The following CSMD1 variants were observed in gnomAD, a reference collection of about 807,000 sequenced individuals.
CSMD1 encodes CUB and sushi domain-containing protein 1.
CSMD1 carries 213 observed loss-of-function variants against 417.5 expected under a neutral mutation model. That is an observed-to-expected ratio of 0.51 (90% CI 0.46 to 0.57). The LOEUF (loss-of-function observed/expected upper bound fraction) is 0.57, where lower values mean the gene tolerates loss of function less well. Ranked by LOEUF, CSMD1 falls within the 20% of genes least tolerant of loss-of-function variation. The probability of loss-of-function intolerance (pLI) is 0.00; values close to 1 mark genes in which losing one functional copy is unlikely to be tolerated. For synonymous variants in CSMD1, 2,862 were observed against 1,736.8 expected (o/e 1.65, Z -16.11); for missense variants, 6,923 against 4,529.7 (o/e 1.53, Z -15.17).
At chr8:4,228,578 C>T (rs368249103) in intron 3 of CSMD1, among the ~76,000 whole-genome samples, 1 of 142,912 alleles carries the variant, frequency 7.0e-6, no homozygotes, top group Non-Finnish European at 1.5e-5. Context: ...CAATTCTCTT[C>T]TCTGTCAGAT....
intron 41 of CSMD1, among the ~76,000 whole-genome samples, chr8:3,121,463 G>A (rs943543245): frequency 6.6e-6 from 1 of 152,184 alleles, no homozygotes; most frequent in Non-Finnish European, 1.5e-5. Context: ...CGAGAAGTGG[G>A]AAGAACACTA....
intron 3 of CSMD1, among the ~76,000 whole-genome samples, chr8:4,037,052 G>C (rs903757144): frequency 2.0e-5 from 3 of 151,998 alleles, no homozygotes; most frequent in Admixed American, 6.6e-5. Flanking sequence ...GGCACCCGGA[G>C]CTGCTGAGAC....
chr8:4,834,956 C>CAAAA (rs1194297821), intron 1 of CSMD1, among the ~76,000 whole-genome samples: 133 of 19,540 alleles, frequency 6.8e-3, no homozygotes, highest in Non-Finnish European at 8.4e-3. Context: ...GACTCCATCT[C>CAAAA]AAAAAAAAAA....
intron 6 of CSMD1, among the ~76,000 whole-genome samples, chr8:3,749,908 T>C (rs951025625): frequency 2.0e-5 from 3 of 152,190 alleles, no homozygotes; most frequent in African/African-American, 7.2e-5. Flanking sequence ...ACCTATTGTG[T>C]GTAGCTACTC....
chr8:4,788,145 G>C lies in CSMD1; in HGVS notation c.86-150587C>G, dbSNP rs1479823730. On this transcript the variant is annotated intron_variant, in intron 1 of 69. Coordinates refer to ENST00000635120, the MANE Select transcript of CSMD1 (RefSeq NM_033225.6). ...GTTGATGGGCTCTACTTCTGATCTT[G>C]GTCACTGTGAAAAAATCAAGAAGGC... 6 of 1,599,996 alleles carry C rather than the reference G, an allele frequency of 3.8e-6. No individual in the cohort carries two copies. In the East Asian group the frequency reaches 8.9e-5, roughly 24 times the overall value.
At position 4,620,900 on chromosome 8, in the gene CSMD1, T is replaced by TA. The variant is rs1010533496; in HGVS notation, c.302+16441dup. On this transcript the variant is annotated intron_variant, in intron 2 of 69. Transcript: ENST00000635120. ...AAAATAAGAGAAAAATTGAGTAAAG[T>TA]AAAAAAAAATAGGCAACTGGCAAAT... Among the ~76,000 whole-genome samples, 62 of 149,316 alleles carry TA rather than the reference T, an allele frequency of 4.2e-4. 1 individual carries two copies. Among genetic ancestry groups the TA allele is most frequent in the Middle Eastern group, 3.6e-3 (1 of 276 alleles).
intron 4 of CSMD1, among the ~76,000 whole-genome samples, chr8:3,998,504 C>G (rs544108304): frequency 6.6e-6 from 1 of 152,238 alleles, no homozygotes; most frequent in South Asian, 2.1e-4. Context: ...TTCATGGATA[C>G]CTGGCTTTGA....
chr8:4,884,236 C>A lies in CSMD1; in HGVS notation c.85+110096G>T, dbSNP rs187375193. On this transcript the variant is annotated intron_variant, in intron 1 of 69. Coordinates refer to ENST00000635120, the MANE Select transcript of CSMD1 (RefSeq NM_033225.6). ...GTGTGTGTGTGTACACACACACATACCTATGTTTATATATACATGTTATTT... is the reference window on the plus strand; with the variant it reads ...GTGTGTGTGTGTACACACACACATAACTATGTTTATATATACATGTTATTT... Among the ~76,000 whole-genome samples, 21 of 151,822 alleles carry A rather than the reference C, an allele frequency of 1.4e-4. 1 individual carries two copies. Among genetic ancestry groups the A allele is most frequent in the Admixed American group, 1.2e-3 (19 of 15,242 alleles).
chr8:4,460,929 A>G (rs1380940955), intron 2 of CSMD1, among the ~76,000 whole-genome samples: 1 of 152,182 alleles, frequency 6.6e-6, no homozygotes, highest in Non-Finnish European at 1.5e-5. Flanking sequence ...TATAAGGTCA[A>G]TACCCCAATA....
Position 3,891,703 on chromosome 8 carries a change from A to AAC in CSMD1, c.818+106198_818+106199dup, listed in dbSNP as rs1186972128. On this transcript the variant is annotated intron_variant, in intron 5 of 69. Transcript: ENST00000635120. ...GTCTCAAAACGAAAAAAAAAGGATTAACTCAGTCTCCTAACACTAGTCTCC... is the reference window on the plus strand; with the variant it reads ...GTCTCAAAACGAAAAAAAAAGGATTAACACTCAGTCTCCTAACACTAGTCTCC... 2.6e-5 allele frequency among the ~76,000 whole-genome samples: 4 copies of AAC among 151,762 alleles called. No homozygotes were observed. In the East Asian group the frequency reaches 7.8e-4, roughly 30 times the overall value.
At chr8:3,262,284 C>T (rs912784145) in intron 26 of CSMD1, among the ~76,000 whole-genome samples, 5 of 135,036 alleles carry the variant, frequency 3.7e-5, no homozygotes, top group South Asian at 4.9e-4. Context: ...TGCCAATAAG[C>T]GTCACAGAAG....
chr8:3,301,975 T>C (rs1292711741), intron 25 of CSMD1, among the ~76,000 whole-genome samples: 5 of 152,218 alleles, frequency 3.3e-5, no homozygotes, highest in Admixed American at 2.0e-4. Context: ...AAATCTCATA[T>C]AATTTATCAA....
chr8:3,762,468 T>C (rs1290781507), intron 5 of CSMD1, among the ~76,000 whole-genome samples: 1 of 152,234 alleles, frequency 6.6e-6, no homozygotes, highest in Non-Finnish European at 1.5e-5. Flanking sequence ...TGACTTGGTA[T>C]AAGGCACATG....
chr8:3,593,687 C>G (rs1277858935), intron 8 of CSMD1, among the ~76,000 whole-genome samples: 1 of 152,214 alleles, frequency 6.6e-6, no homozygotes, highest in Non-Finnish European at 1.5e-5. Context: ...AATCACAGTA[C>G]AAATAAAACT....
chr8:4,931,311 T>C (rs1291419368), intron 1 of CSMD1, among the ~76,000 whole-genome samples: 3 of 152,216 alleles, frequency 2.0e-5, no homozygotes, highest in Admixed American at 6.5e-5. Flanking sequence ...ATAGTTCTCC[T>C]TCTGGTCGCT....
Position 3,343,373 on chromosome 8 carries a change from G to C in CSMD1, c.3552C>G (p.Asn1184Lys). 1 of 1,613,800 alleles carries C rather than the reference G, an allele frequency of 6.2e-7. No individual in the cohort carries two copies. Residue 1184 changes from asparagine to lysine, a missense_variant, in exon 23 of 70, where the codon AAC (asparagine) becomes AAG (lysine). Coordinates refer to ENST00000635120, the MANE Select transcript of CSMD1 (RefSeq NM_033225.6). ...CTAGCCACAGGTGATTGGATGTGCTGTTTAGGATCAGCCCCAGAAGTTCAT... is the reference window on the plus strand; with the variant it reads ...CTAGCCACAGGTGATTGGATGTGCTCTTTAGGATCAGCCCCAGAAGTTCAT... ...TKNELLGLIL[N>K]STSNHLWLEF...
In CSMD1 at chr8:3,383,091, G is replaced by A. The variant is rs532099021; in HGVS notation, c.2782+4403C>T. ...AAGAAATGGATCTGGACACTACATC[G>A]TTCCTTACCACAAATCCACAAATTT... is the stretch of plus-strand genomic sequence containing the variant. On this transcript the variant is annotated intron_variant, in intron 18 of 69. Coordinates refer to ENST00000635120, the MANE Select transcript of CSMD1 (RefSeq NM_033225.6). 2.9e-4 allele frequency among the ~76,000 whole-genome samples: 29 copies of A among 100,810 alleles called. 1 individual carries two copies. In the East Asian group the frequency reaches 5.7e-3, roughly 20 times the overall value. 66.1% of individuals were successfully genotyped at this position (100,810 alleles called of 152,430 possible). A position where few individuals can be genotyped will look rare whatever the true frequency, so the allele number is the denominator to read the frequency against.
At chr8:3,050,913 C>A (rs188776909) in intron 50 of CSMD1, among the ~76,000 whole-genome samples, 36 of 152,018 alleles carry the variant, frequency 2.4e-4, no homozygotes, top group African/African-American at 8.2e-4. Flanking sequence ...GTATCACTGG[C>A]GCAAAAATAT....
intron 1 of CSMD1, among the ~76,000 whole-genome samples, chr8:4,736,446 C>T (rs1317066887): frequency 6.6e-6 from 1 of 152,016 alleles, no homozygotes; most frequent in Non-Finnish European, 1.5e-5. Flanking sequence ...CAGAGAGAAG[C>T]AGCAGGCCCC....
Sources: allele counts gnomAD v4.1 joint callset (sites outside exome capture counted in the v4.1 genomes callset), GRCh38; gene constraint gnomAD v4.1.1; transcripts MANE v1.5; gene names NCBI Gene and HGNC (gene_info 2026-07-23, HGNC 2026-07-21).